The following ZPBP variants were observed in gnomAD, a reference collection of about 807,000 sequenced individuals.
The protein encoded by ZPBP is zona pellucida-binding protein 1.
In ZPBP, 26 loss-of-function variants were observed where a neutral mutation model predicts 44.8. The observed-to-expected ratio is 0.58, with a 90% confidence interval of 0.43 to 0.81. The LOEUF (loss-of-function observed/expected upper bound fraction) is 0.81, where lower values mean the gene tolerates loss of function less well. Ranked by LOEUF, ZPBP falls within the 30% of genes least tolerant of loss-of-function variation. The pLI is 0.00. For synonymous variants in ZPBP, 174 were observed against 153.2 expected (o/e 1.14, Z -1.00); for missense variants, 409 against 434.0 (o/e 0.94, Z 0.51).
chr7:49,872,572 C>A (rs187727970), intron 2 of ZPBP, among the ~76,000 whole-genome samples: 23 of 151,638 alleles, frequency 1.5e-4, no homozygotes, highest in African/African-American at 5.6e-4. Flanking sequence ...GAAAAAACTA[C>A]CATATATTTC....
intron 3 of ZPBP, among the ~76,000 whole-genome samples, chr7:50,070,841 A>T (rs541383210): frequency 3.3e-5 from 5 of 152,208 alleles, no homozygotes; most frequent in Admixed American, 6.5e-5. Flanking sequence ...AAGGAAAAAC[A>T]TGTTTTACGA....
chr7:49,956,957 T>G (rs1007119878), intron 7 of ZPBP, among the ~76,000 whole-genome samples: 1 of 152,216 alleles, frequency 6.6e-6, no homozygotes, highest in Non-Finnish European at 1.5e-5. Flanking sequence ...CAAACTCATG[T>G]TGAAATTTAA....
intron 3 of ZPBP, among the ~76,000 whole-genome samples, chr7:50,069,019 G>T (rs996469599): frequency 1.3e-5 from 2 of 152,180 alleles, no homozygotes; most frequent in African/African-American, 4.8e-5. Flanking sequence ...CTTAGCAGGG[G>T]TCCTCTTGTC....
At chr7:49,894,294 TTATAGA>T (rs1792271306) in intron 2 of ZPBP, among the ~76,000 whole-genome samples, 1 of 152,178 alleles carries the variant, frequency 6.6e-6, no homozygotes, top group Non-Finnish European at 1.5e-5. Context: ...ATAGCTGGGA[TTATAGA>T]TAGCACCGCC....
intron 6 of ZPBP, among the ~76,000 whole-genome samples, chr7:49,998,823 G>A (rs7799965): frequency 0.29 from 44,032 of 151,094 alleles, 7,056 homozygotes; most frequent in Non-Finnish European, 0.37. Context: ...AACCGCTCTT[G>A]TTACCAAAAA....
chr7:50,044,232 C>A lies in ZPBP; in HGVS notation c.488-12922G>T, dbSNP rs1227267424. Among the ~76,000 whole-genome samples, 18 of 152,066 alleles carry A rather than the reference C, an allele frequency of 1.2e-4. 1 individual carries two copies. The highest frequency in any genetic ancestry group is 3.2e-3 in the Middle Eastern group (1 of 316). ...AAGCAGGAAAGATTTAAAATTGACACCCCAACATCACAATTAAAAGAACTA... is the reference window on the plus strand; with the variant it reads ...AAGCAGGAAAGATTTAAAATTGACAACCCAACATCACAATTAAAAGAACTA... On this transcript the variant is annotated intron_variant, in intron 4 of 7. Transcript: ENST00000046087.
intron 6 of ZPBP, among the ~76,000 whole-genome samples, chr7:49,986,246 C>G (rs1403463485): frequency 1.3e-5 from 2 of 152,174 alleles, no homozygotes; most frequent in Non-Finnish European, 2.9e-5. Context: ...CCCTCCGTTG[C>G]TCCTGGGGGT....
At chr7:50,003,516 G>C (rs1007177731) in intron 6 of ZPBP, among the ~76,000 whole-genome samples, 1 of 152,218 alleles carries the variant, frequency 6.6e-6, no homozygotes, top group Non-Finnish European at 1.5e-5. Flanking sequence ...TGTGGAATGT[G>C]CTTACAGCAT....
intron 2 of ZPBP, among the ~76,000 whole-genome samples, chr7:49,877,265 C>T (rs1583733768): frequency 6.6e-6 from 1 of 150,986 alleles, no homozygotes; most frequent in African/African-American, 2.4e-5. Flanking sequence ...AGTTCAAGAC[C>T]AGCCTGGCCA....
chr7:49,954,764 C>T (rs947808952), intron 7 of ZPBP, among the ~76,000 whole-genome samples: 3 of 152,028 alleles, frequency 2.0e-5, no homozygotes, highest in Non-Finnish European at 4.4e-5. Flanking sequence ...GACAAATTCA[C>T]AATAATAGCT....
chr7:50,084,513 C>T (rs954758343), intron 2 of ZPBP, among the ~76,000 whole-genome samples: 4 of 151,474 alleles, frequency 2.6e-5, no homozygotes, highest in Non-Finnish European at 4.4e-5. Flanking sequence ...AAAAGGCGAA[C>T]GAGTTAAAAA....
chr7:49,949,705 GTGA>G (rs1258659475), intron 7 of ZPBP, among the ~76,000 whole-genome samples: 2 of 151,858 alleles, frequency 1.3e-5, no homozygotes, highest in Non-Finnish European at 2.9e-5. Flanking sequence ...GAGATGGATG[GTGA>G]TGATGATTTC....
At chr7:49,990,371 G>A (rs930271294) in intron 6 of ZPBP, among the ~76,000 whole-genome samples, 10 of 152,154 alleles carry the variant, frequency 6.6e-5, no homozygotes, top group African/African-American at 1.4e-4. Flanking sequence ...GCACCCTGTC[G>A]TAGTCACCAG....
At chr7:50,051,515 A>T (rs149411787) in intron 4 of ZPBP, among the ~76,000 whole-genome samples, 1 of 152,296 alleles carries the variant, frequency 6.6e-6, no homozygotes, top group African/African-American at 2.4e-5. Flanking sequence ...TCATTGAAGC[A>T]AATAATGATT....
chr7:50,000,293 C>T (rs1395265974), intron 6 of ZPBP, among the ~76,000 whole-genome samples: 4 of 152,006 alleles, frequency 2.6e-5, no homozygotes, highest in African/African-American at 9.7e-5. Flanking sequence ...AGGAAATAGA[C>T]GTTGATCATT....
chr7:49,954,101 C>T (rs899639774), intron 7 of ZPBP, among the ~76,000 whole-genome samples: 14 of 152,010 alleles, frequency 9.2e-5, no homozygotes, highest in African/African-American at 2.4e-4. Context: ...ACAGGCATAA[C>T]GACAGACTAT....
chr7:50,069,723 T>G (rs1214913794), intron 3 of ZPBP, among the ~76,000 whole-genome samples: 1 of 152,122 alleles, frequency 6.6e-6, no homozygotes, highest in Non-Finnish European at 1.5e-5. Context: ...TTTCCTCCCT[T>G]GCAACGCACT....
At chr7:50,040,978 G>A (rs1030280558) in intron 4 of ZPBP, among the ~76,000 whole-genome samples, 2 of 152,156 alleles carry the variant, frequency 1.3e-5, no homozygotes, top group Non-Finnish European at 2.9e-5. Context: ...GGGGGGAGGG[G>A]CATCTGCCAT....
intron 4 of ZPBP, among the ~76,000 whole-genome samples, chr7:50,054,031 G>A (rs956451445): frequency 6.6e-6 from 1 of 152,078 alleles, no homozygotes; most frequent in Non-Finnish European, 1.5e-5. Context: ...TGGGATTACA[G>A]GCATGCACCA....
Sources: gnomAD v4.1 joint callset for allele counts (sites outside exome capture counted in the v4.1 genomes callset) on GRCh38, gnomAD v4.1.1 for gene constraint, MANE v1.5 for transcripts, NCBI Gene and HGNC (gene_info 2026-07-23, HGNC 2026-07-21) for gene names.